Variants in ANKS1B observed in about 807,000 individuals in gnomAD.
ANKS1B encodes the protein ankyrin repeat and sterile alpha motif domain-containing protein 1B.
In ANKS1B, 36 loss-of-function variants were observed where a neutral mutation model predicts 148.3. The ratio of observed to expected loss-of-function variants is 0.24; its 90% CI spans 0.19 to 0.32. The LOEUF is 0.32. ANKS1B is among the 10% of genes least tolerant of loss of function. The pLI, the probability that ANKS1B is intolerant of heterozygous loss-of-function variation, is 1.00. For synonymous variants in ANKS1B, 542 were observed against 560.8 expected (o/e 0.97, Z 0.47); for missense variants, 1,157 against 1,542.6 (o/e 0.75, Z 4.19).
At chr12:99,190,337 C>T (rs924941855) in intron 14 of ANKS1B, among the ~76,000 whole-genome samples, 28 of 152,060 alleles carry the variant, frequency 1.8e-4, no homozygotes, top group Non-Finnish European at 2.9e-4. Flanking sequence ...TTAGAAAAAA[C>T]AGTGCTTTAA....
intron 8 of ANKS1B, among the ~76,000 whole-genome samples, chr12:99,754,992 C>A (rs2061435758): frequency 6.6e-6 from 1 of 151,362 alleles, no homozygotes; most frequent in South Asian, 2.1e-4. Flanking sequence ...AAAACATAAC[C>A]AAAATCAGAG....
chr12:99,982,289 T>C (rs1190381130), intron 1 of ANKS1B, among the ~76,000 whole-genome samples: 2 of 151,096 alleles, frequency 1.3e-5, no homozygotes, highest in Admixed American at 6.6e-5. Flanking sequence ...TCCACTAACA[T>C]TAAATACTTG....
chr12:99,893,094 G>A (rs1338456807), intron 1 of ANKS1B, among the ~76,000 whole-genome samples: 2 of 152,018 alleles, frequency 1.3e-5, no homozygotes, highest in Non-Finnish European at 2.9e-5. Context: ...AACTTATTGG[G>A]GTTCAGGGGG....
intron 17 of ANKS1B, among the ~76,000 whole-genome samples, chr12:99,010,449 G>A (rs182094100): frequency 6.6e-4 from 101 of 152,254 alleles, no homozygotes; most frequent in African/African-American, 2.2e-3. Context: ...CTTACTCCTA[G>A]GAACCACTGG....
intron 15 of ANKS1B, among the ~76,000 whole-genome samples, chr12:99,105,596 A>G (rs2059000871): frequency 6.6e-6 from 1 of 151,902 alleles, no homozygotes; most frequent in Admixed American, 6.6e-5. Flanking sequence ...GTGAAACCCC[A>G]TCTCTACTAA....
chr12:99,002,488 CTCTT>C (rs2099933617), intron 17 of ANKS1B, among the ~76,000 whole-genome samples: 1 of 147,488 alleles, frequency 6.8e-6, no homozygotes, highest in Non-Finnish European at 1.5e-5. Context: ...GTACTTATCT[CTCTT>C]TTTTTTTTTG....
chr12:99,239,163 A>G (rs577782162), intron 14 of ANKS1B, among the ~76,000 whole-genome samples: 1 of 152,290 alleles, frequency 6.6e-6, no homozygotes, highest in Non-Finnish European at 1.5e-5. Context: ...GAAGCTAAAA[A>G]CCCTGAAAAA....
At chr12:99,834,627 T>C (rs530299260) in intron 1 of ANKS1B, among the ~76,000 whole-genome samples, 1 of 149,950 alleles carries the variant, frequency 6.7e-6, no homozygotes, top group East Asian at 1.9e-4. Context: ...AGATTATTCT[T>C]AAACCATAAG....
intron 20 of ANKS1B, among the ~76,000 whole-genome samples, chr12:98,802,292 G>A (rs1181190058): frequency 6.6e-6 from 1 of 152,214 alleles, no homozygotes; most frequent in East Asian, 1.9e-4. Flanking sequence ...TTGACACACT[G>A]TGGGATTTCT....
At chr12:99,060,692 CACACACACAT>C (rs1478771576) in intron 16 of ANKS1B, among the ~76,000 whole-genome samples, 32 of 98,804 alleles carry the variant, frequency 3.2e-4, no homozygotes, top group African/African-American at 1.1e-3. Flanking sequence ...CACACACACA[CACACACACAT>C]ATATATAGAG....
intron 1 of ANKS1B, among the ~76,000 whole-genome samples, chr12:99,862,790 C>T (rs773352540): frequency 1.3e-5 from 2 of 151,904 alleles, no homozygotes; most frequent in African/African-American, 2.4e-5. Flanking sequence ...ACTTTTACTG[C>T]GAGCAGTAAG....
chr12:99,625,684 A>G (rs1234964368), intron 9 of ANKS1B, among the ~76,000 whole-genome samples: 2 of 152,324 alleles, frequency 1.3e-5, no homozygotes, highest in African/African-American at 2.4e-5. Flanking sequence ...ACTTCATGAT[A>G]ACAATGCAGC....
At chr12:99,710,553 G>A (rs147395504) in intron 8 of ANKS1B, among the ~76,000 whole-genome samples, 6 of 152,110 alleles carry the variant, frequency 3.9e-5, no homozygotes, top group Non-Finnish European at 5.9e-5. Context: ...GTCATGAAAC[G>A]AAGGACTGAG....
At chr12:99,913,211 G>A (rs1194672166) in intron 1 of ANKS1B, among the ~76,000 whole-genome samples, 1 of 152,114 alleles carries the variant, frequency 6.6e-6, no homozygotes, top group East Asian at 1.9e-4. Flanking sequence ...ATTACTAATT[G>A]ATATTCTGCC....
intron 17 of ANKS1B, among the ~76,000 whole-genome samples, chr12:98,950,652 T>C (rs911406303): frequency 6.6e-6 from 1 of 152,186 alleles, no homozygotes; most frequent in African/African-American, 2.4e-5. Context: ...AAAAGTCTGA[T>C]TTTACCAATG....
chr12:99,215,113 C>T (rs569319083), intron 14 of ANKS1B, among the ~76,000 whole-genome samples: 7 of 152,298 alleles, frequency 4.6e-5, no homozygotes, highest in East Asian at 1.9e-4. Context: ...TTGGAACTTA[C>T]GTTTAAAAGG....
intron 17 of ANKS1B, among the ~76,000 whole-genome samples, chr12:98,936,287 A>C (rs760867067): frequency 6.6e-6 from 1 of 152,164 alleles, no homozygotes; most frequent in Non-Finnish European, 1.5e-5. Context: ...AGGTCCCCTG[A>C]CTCCAAAGCC....
At chr12:99,754,731 C>T (rs1376756960) in intron 8 of ANKS1B, among the ~76,000 whole-genome samples, 1 of 152,132 alleles carries the variant, frequency 6.6e-6, no homozygotes, top group African/African-American at 2.4e-5. Context: ...AACTGAATAA[C>T]CTGCTCCTGA....
chr12:98,954,448 T>G (rs1032403778), intron 17 of ANKS1B: 2 of 152,232 alleles, frequency 1.3e-5, no homozygotes, highest in Non-Finnish European at 2.9e-5. Flanking sequence ...TGTTAAGAAG[T>G]GAAGCCTTTA....
Sources: gnomAD v4.1 joint callset for allele counts (sites outside exome capture counted in the v4.1 genomes callset) on GRCh38, gnomAD v4.1.1 for gene constraint, MANE v1.5 for transcripts, NCBI Gene and HGNC (gene_info 2026-07-23, HGNC 2026-07-21) for gene names.